The following MEIKIN variants were observed in gnomAD, a reference collection of about 807,000 sequenced individuals.
MEIKIN encodes meiotic kinetochore factor.
chr5:131,841,466 C>T (rs1749913068), intron 11 of MEIKIN, among the ~76,000 whole-genome samples: 1 of 152,170 alleles, frequency 6.6e-6, no homozygotes, highest in African/African-American at 2.4e-5. Flanking sequence ...ATACCAGTAC[C>T]ATACTGTTAC....
intron 8 of MEIKIN, among the ~76,000 whole-genome samples, chr5:131,900,007 G>T (rs1031133283): frequency 1.3e-5 from 2 of 152,178 alleles, no homozygotes; most frequent in Admixed American, 1.3e-4. Flanking sequence ...GATATTTGCA[G>T]AAAATTTTAT....
intron 12 of MEIKIN, among the ~76,000 whole-genome samples, chr5:131,811,296 A>G (rs111667331): frequency 5.9e-5 from 9 of 152,266 alleles, no homozygotes; most frequent in African/African-American, 2.2e-4. Context: ...ACAGGCCAAA[A>G]AGATCAAATT....
intron 5 of MEIKIN, among the ~76,000 whole-genome samples, chr5:131,929,570 A>C (rs1025632004): frequency 1.1e-4 from 17 of 152,086 alleles, no homozygotes; most frequent in African/African-American, 3.9e-4. Flanking sequence ...GTACAGATGC[A>C]CATTTGTTAC....
At chr5:131,876,567 C>T (rs1750617376) in intron 9 of MEIKIN, among the ~76,000 whole-genome samples, 1 of 146,092 alleles carries the variant, frequency 6.8e-6, no homozygotes. Context: ...ACTAGTTCAA[C>T]CATTGTGGAA....
chr5:131,874,374 G>T (rs368885896), intron 9 of MEIKIN, among the ~76,000 whole-genome samples: 1 of 152,170 alleles, frequency 6.6e-6, no homozygotes, highest in Non-Finnish European at 1.5e-5. Context: ...ACACCTCTAC[G>T]CAAATAAACT....
intron 11 of MEIKIN, among the ~76,000 whole-genome samples, chr5:131,826,181 C>T (rs934587663): frequency 1.3e-5 from 2 of 151,172 alleles, no homozygotes; most frequent in Non-Finnish European, 1.5e-5. Context: ...CCCACCTTGG[C>T]CTCCCAAAGT....
Position 131,818,824 on chromosome 5 carries a change from T to C in MEIKIN, c.1015A>G (p.Thr339Ala). 2.5e-6 allele frequency: 1 copy of C among 398,194 alleles called. No homozygotes were observed. The highest frequency in any genetic ancestry group is 4.4e-6 in the Non-Finnish European group (1 of 225,834). 24.7% of individuals were successfully genotyped at this position (398,194 alleles called of 1,614,324 possible). A position where few individuals can be genotyped will look rare whatever the true frequency, so the allele number is the denominator to read the frequency against. The change falls in exon 12 of 13, where the codon ACA (threonine) becomes GCA (alanine). Residue 339 changes from threonine to alanine, a missense_variant. Transcript: ENST00000442687. ...TTCACTTGTCTAGTTCCTGGTGATGTTCTAATAATACAACATATTTCTGAT... is the reference window on the plus strand; with the variant it reads ...TTCACTTGTCTAGTTCCTGGTGATGCTCTAATAATACAACATATTTCTGAT... ...NASEICCIIR[T>A]SPGTRQVKNK... is the part of the protein sequence containing the mutation.
At chr5:131,864,425 T>C (rs1750347545) in intron 9 of MEIKIN, among the ~76,000 whole-genome samples, 1 of 152,224 alleles carries the variant, frequency 6.6e-6, no homozygotes, top group Non-Finnish European at 1.5e-5. Flanking sequence ...TAGTAATGAA[T>C]TTTCTCGGCA....
intron 8 of MEIKIN, among the ~76,000 whole-genome samples, chr5:131,904,985 G>T (rs1282679145): frequency 6.6e-6 from 1 of 152,074 alleles, no homozygotes; most frequent in Admixed American, 6.5e-5. Context: ...GGGCCTGTCG[G>T]GGGGTTGGAG....
At chr5:131,863,356 T>C (rs997558837) in intron 9 of MEIKIN, among the ~76,000 whole-genome samples, 7 of 152,204 alleles carry the variant, frequency 4.6e-5, no homozygotes, top group Non-Finnish European at 1.0e-4. Context: ...GTTGATTTTC[T>C]GTCTAGATGA....
chr5:131,842,255 T>C (rs939321401), intron 11 of MEIKIN, among the ~76,000 whole-genome samples: 3 of 152,168 alleles, frequency 2.0e-5, no homozygotes, highest in Non-Finnish European at 2.9e-5. Flanking sequence ...GTGAGCCACC[T>C]TGCCTGGCCA....
intron 9 of MEIKIN, among the ~76,000 whole-genome samples, chr5:131,860,708 A>C (rs566451998): frequency 6.7e-6 from 1 of 149,394 alleles, no homozygotes; most frequent in Admixed American, 6.7e-5. Flanking sequence ...CAGGCTCCCA[A>C]AGTGCTGGGA....
intron 11 of MEIKIN, among the ~76,000 whole-genome samples, chr5:131,834,148 G>C (rs1436246506): frequency 1.3e-5 from 2 of 152,160 alleles, no homozygotes; most frequent in Non-Finnish European, 2.9e-5. Context: ...GGAAGGAGAG[G>C]TGTACTAAGT....
At chr5:131,822,430 T>C (rs1370184410) in intron 11 of MEIKIN, among the ~76,000 whole-genome samples, 1 of 152,168 alleles carries the variant, frequency 6.6e-6, no homozygotes, top group Non-Finnish European at 1.5e-5. Context: ...TACACTTCAA[T>C]TTCTTGCTTT....
intron 11 of MEIKIN, among the ~76,000 whole-genome samples, chr5:131,850,846 G>A (rs1208209656): frequency 6.6e-6 from 1 of 151,972 alleles, no homozygotes; most frequent in Non-Finnish European, 1.5e-5. Flanking sequence ...AGGCTGAGAT[G>A]GCAGAATCAC....
intron 9 of MEIKIN, among the ~76,000 whole-genome samples, chr5:131,870,213 TAATA>T (rs1750462196): frequency 6.6e-6 from 1 of 152,204 alleles, no homozygotes; most frequent in African/African-American, 2.4e-5. Flanking sequence ...TCATAATAAT[TAATA>T]TTTTTAATGT....
At chr5:131,831,787 T>C (rs1470160008) in intron 11 of MEIKIN, among the ~76,000 whole-genome samples, 2 of 152,084 alleles carry the variant, frequency 1.3e-5, no homozygotes, top group African/African-American at 2.4e-5. Context: ...ACTTCTTACA[T>C]GGTGACAGCA....
At chr5:131,868,118 C>A (rs1439319414) in intron 9 of MEIKIN, among the ~76,000 whole-genome samples, 2 of 152,178 alleles carry the variant, frequency 1.3e-5, no homozygotes, top group African/African-American at 4.8e-5. Flanking sequence ...GAAACAGAGT[C>A]TCACTCTGTT....
intron 9 of MEIKIN, among the ~76,000 whole-genome samples, chr5:131,867,801 G>C (rs1185598695): frequency 1.3e-5 from 2 of 152,086 alleles, no homozygotes; most frequent in Non-Finnish European, 2.9e-5. Flanking sequence ...TTGCTTCCAA[G>C]TTTTGGAAAT....
Sources: allele counts gnomAD v4.1 joint callset (sites outside exome capture counted in the v4.1 genomes callset), GRCh38; gene constraint gnomAD v4.1.1; transcripts MANE v1.5; gene names NCBI Gene and HGNC (gene_info 2026-07-23, HGNC 2026-07-21).